PTPRM: variants seen among roughly 807,000 people sequenced by gnomAD.
PTPRM encodes the protein receptor-type tyrosine-protein phosphatase mu.
Under a neutral mutation model 186.7 loss-of-function variants are expected in PTPRM, and 47 were observed. The observed-to-expected ratio is 0.25, with a 90% CI of 0.20 to 0.32. The LOEUF (loss-of-function observed/expected upper bound fraction) is 0.32. Ranked by LOEUF, PTPRM falls within the 10% of genes least tolerant of loss-of-function variation. The pLI, the probability that PTPRM is intolerant of heterozygous loss-of-function variation, is 1.00. For missense variants in PTPRM, 1,494 were observed against 1,865.0 expected (o/e 0.80, Z 3.66); for synonymous variants, 668 against 674.9 (o/e 0.99, Z 0.16).
chr18:8,025,437 TAAA>T (rs898877144), intron 7 of PTPRM, among the ~76,000 whole-genome samples: 8 of 152,194 alleles, frequency 5.3e-5, no homozygotes, highest in Non-Finnish European at 8.8e-5. Flanking sequence ...ACATCTCTCT[TAAA>T]AATCTGCCTG....
intron 14 of PTPRM, among the ~76,000 whole-genome samples, chr18:8,191,867 G>C (rs2093714646): frequency 6.6e-6 from 1 of 152,106 alleles, no homozygotes; most frequent in East Asian, 1.9e-4. Flanking sequence ...GATGGAAGCA[G>C]ATGAATCTGA....
intron 7 of PTPRM, among the ~76,000 whole-genome samples, chr18:8,017,367 A>C (rs907208611): frequency 2.0e-5 from 3 of 152,014 alleles, no homozygotes; most frequent in African/African-American, 7.2e-5. Context: ...TGAAATATAC[A>C]AAAATACAAA....
At chr18:8,055,671 T>C (rs1264443781) in intron 7 of PTPRM, among the ~76,000 whole-genome samples, 1 of 152,238 alleles carries the variant, frequency 6.6e-6, no homozygotes, top group Non-Finnish European at 1.5e-5. Context: ...TCTTGTTTTC[T>C]GTTATTTTTG....
At chr18:7,894,575 G>T (rs2049253027) in intron 3 of PTPRM, among the ~76,000 whole-genome samples, 1 of 151,846 alleles carries the variant, frequency 6.6e-6, no homozygotes, top group Admixed American at 6.6e-5. Context: ...GGCAGAGCAA[G>T]ACTCCGTCTC....
At chr18:7,891,179 A>T (rs185796006) in intron 3 of PTPRM, among the ~76,000 whole-genome samples, 79 of 151,644 alleles carry the variant, frequency 5.2e-4, no homozygotes, top group Non-Finnish European at 1.0e-3. Flanking sequence ...GCAGCTACTC[A>T]GGAGGCTGAG....
At chr18:7,908,402 A>G (rs971432080) in intron 4 of PTPRM, among the ~76,000 whole-genome samples, 10 of 152,208 alleles carry the variant, frequency 6.6e-5, no homozygotes, top group African/African-American at 2.2e-4. Flanking sequence ...AATAATAAAA[A>G]TGGAAATATT....
intron 7 of PTPRM, among the ~76,000 whole-genome samples, chr18:8,032,247 A>G (rs999476993): frequency 2.0e-5 from 3 of 152,138 alleles, no homozygotes; most frequent in African/African-American, 7.2e-5. Context: ...AAGTCTCCTT[A>G]TATTTGTGCC....
intron 7 of PTPRM, among the ~76,000 whole-genome samples, chr18:8,027,006 A>G (rs1240096610): frequency 2.0e-5 from 3 of 152,232 alleles, no homozygotes; most frequent in African/African-American, 7.2e-5. Flanking sequence ...GAATCTTTTT[A>G]AAATATAGAT....
At chr18:8,082,505 C>G (rs1253032022) in intron 9 of PTPRM, among the ~76,000 whole-genome samples, 1 of 130,188 alleles carries the variant, frequency 7.7e-6, no homozygotes, top group Non-Finnish European at 1.6e-5. Context: ...CTCCTTCTCT[C>G]CCTCCCTCCC....
At chr18:7,861,744 T>A (rs1389390488) in intron 2 of PTPRM, among the ~76,000 whole-genome samples, 3 of 151,668 alleles carry the variant, frequency 2.0e-5, no homozygotes, top group Non-Finnish European at 4.4e-5. Context: ...ATGAAGACTG[T>A]TTGATATTGG....
At position 8,380,177 on chromosome 18, in the gene PTPRM, A is replaced by G. The variant is rs553440597; in HGVS notation, c.3787-119A>G. On this transcript the variant is annotated intron_variant, in intron 28 of 32. Coordinates refer to ENST00000580170, the MANE Select transcript of PTPRM (RefSeq NM_001105244.2). ...GTGCTGACAATGGTGACAGAATTCA[A>G]CAGCTGTTAAACATGTTCAGTGTTT... 242 of 1,070,320 alleles carry G rather than the reference A, an allele frequency of 2.3e-4. 2 individuals are homozygous for G. In the African/African-American group the frequency reaches 3.3e-3, roughly 14 times the overall value. 66.3% of individuals were successfully genotyped at this position (1,070,320 alleles called of 1,614,324 possible).
intron 1 of PTPRM, among the ~76,000 whole-genome samples, chr18:7,585,329 T>G (rs1199317280): frequency 6.6e-6 from 1 of 152,180 alleles, no homozygotes; most frequent in Non-Finnish European, 1.5e-5. Context: ...GTGGTTATCT[T>G]AGAGTAGATG....
chr18:8,137,554 A>C (rs2092665333), intron 13 of PTPRM, among the ~76,000 whole-genome samples: 1 of 152,096 alleles, frequency 6.6e-6, no homozygotes, highest in Non-Finnish European at 1.5e-5. Flanking sequence ...ATTGCTGCCC[A>C]GTTGTTCTCA....
At chr18:7,866,676 G>A (rs770604333) in intron 2 of PTPRM, among the ~76,000 whole-genome samples, 4 of 152,160 alleles carry the variant, frequency 2.6e-5, no homozygotes, top group Non-Finnish European at 5.9e-5. Flanking sequence ...GATTTGGGGT[G>A]GAGAGTTCTG....
At chr18:7,659,178 T>G (rs529941840) in intron 1 of PTPRM, among the ~76,000 whole-genome samples, 2 of 151,930 alleles carry the variant, frequency 1.3e-5, no homozygotes, top group South Asian at 4.2e-4. Context: ...CTGCTTTATT[T>G]TTTTCACTGA....
At chr18:8,403,578 A>G (rs1305636584) in intron 32 of PTPRM, 1 of 152,048 alleles carries the variant, frequency 6.6e-6, no homozygotes. Context: ...ACCCCAAATA[A>G]AAAAAAATCC....
chr18:7,889,639 G>A (rs983260198), intron 3 of PTPRM, among the ~76,000 whole-genome samples: 2 of 151,968 alleles, frequency 1.3e-5, no homozygotes, highest in African/African-American at 4.8e-5. Context: ...GTGCCCAGCT[G>A]GATATTTTAG....
chr18:8,189,664 G>A (rs1476668750), intron 14 of PTPRM, among the ~76,000 whole-genome samples: 1 of 152,180 alleles, frequency 6.6e-6, no homozygotes, highest in Non-Finnish European at 1.5e-5. Context: ...GCTTACCTGA[G>A]TGAGGAGCCT....
chr18:7,966,252 A>T (rs2147236965), intron 7 of PTPRM, among the ~76,000 whole-genome samples: 1 of 152,344 alleles, frequency 6.6e-6, no homozygotes, highest in East Asian at 1.9e-4. Context: ...AATAGAAAAG[A>T]TAATAGAGCT....
Sources: allele counts gnomAD v4.1 joint callset (sites outside exome capture counted in the v4.1 genomes callset), GRCh38; gene constraint gnomAD v4.1.1; transcripts MANE v1.5; gene names NCBI Gene and HGNC (gene_info 2026-07-23, HGNC 2026-07-21).